The following SNX3 variants were observed in gnomAD, a reference collection of about 807,000 sequenced individuals.
The protein encoded by SNX3 is sorting nexin 3, also known as sorting nexin-3.
A neutral mutation model predicts 17.7 loss-of-function variants in SNX3; 5 were observed. The observed-to-expected ratio is 0.28, with a 90% CI of 0.15 to 0.59. SNX3 has a LOEUF of 0.59. Among genes scored for constraint, SNX3 ranks in the 20% least tolerant of loss-of-function variants. The pLI is 0.88. For missense variants in SNX3, 132 were observed against 206.8 expected (o/e 0.64, Z 2.22); for synonymous variants, 91 against 76.5 (o/e 1.19, Z -0.99).
In SNX3 at chr6:108,259,505, T is replaced by C. The variant is rs547390571; in HGVS notation, c.162+1255A>G. Among the ~76,000 whole-genome samples, 54 of 152,350 alleles carry C rather than the reference T, an allele frequency of 3.5e-4. No individual in the cohort carries two copies. In the South Asian group the frequency reaches 5.2e-3, roughly 15 times the overall value. On this transcript the variant is annotated intron_variant, in intron 1 of 3. Coordinates refer to ENST00000230085, the MANE Select transcript of SNX3 (RefSeq NM_003795.6). ...GCTCGGCCTCCCAAAGTGCTGGGATTACAGGCATGAGCCACCGCGCCCGGC... is the reference window on the plus strand; with the variant it reads ...GCTCGGCCTCCCAAAGTGCTGGGATCACAGGCATGAGCCACCGCGCCCGGC...
At position 108,260,829 on chromosome 6, in the gene SNX3, G is replaced by A; in HGVS notation, c.93C>T (p.Ile31=). The A allele has an allele frequency of 6.2e-7, 1 of 1,613,860 alleles. No individual in the cohort carries two copies. The highest frequency in any genetic ancestry group is 1.1e-5 in the South Asian group (1 of 91,082). Residue 31 remains isoleucine (I), a synonymous_variant, in exon 1 of 4, where the codon ATC becomes ATT. Coordinates refer to ENST00000230085, the MANE Select transcript of SNX3 (RefSeq NM_003795.6). The stretch of plus-strand genomic sequence containing the variant: ...CCACCGTTTGCGGGTTGCTCACATC[G>A]ATCTCGAGGAAGTTGCTGGGGGGTC... ...AYGPPSNFLE[I]DVSNPQTVGV...
chr6:108,227,260 T>A (rs1582479759), intron 1 of SNX3, among the ~76,000 whole-genome samples: 1 of 152,348 alleles, frequency 6.6e-6, no homozygotes, highest in East Asian at 1.9e-4. Flanking sequence ...TTCCCTCCTC[T>A]CAAATTACTT....
chr6:108,259,887 T>C (rs907131334), intron 1 of SNX3, among the ~76,000 whole-genome samples: 5 of 152,252 alleles, frequency 3.3e-5, no homozygotes, highest in Admixed American at 6.5e-5. Context: ...TTTAAATTAA[T>C]GTAATTAATT....
At chr6:108,216,924 G>C (rs1055484587) in intron 2 of SNX3, among the ~76,000 whole-genome samples, 3 of 152,154 alleles carry the variant, frequency 2.0e-5, no homozygotes, top group East Asian at 1.9e-4. Flanking sequence ...AGCATTCTCA[G>C]ATCTCACCCC....
At chr6:108,214,036 C>T (rs1774488112) in intron 3 of SNX3, among the ~76,000 whole-genome samples, 1 of 152,080 alleles carries the variant, frequency 6.6e-6, no homozygotes, top group Non-Finnish European at 1.5e-5. Context: ...AGAAACAATC[C>T]TAAGTCTTCT....
rs753023859 is a variant in SNX3 at position 108,223,043 on chromosome 6, T to G, written c.165A>C (p.Thr55=). 1.1e-5 allele frequency: 18 copies of G among 1,582,868 alleles called. No individual in the cohort carries two copies. Among genetic ancestry groups the G allele is most frequent in the Non-Finnish European group, 1.6e-5 (18 of 1,156,872 alleles). ...CTTTCAGCTTGAAAATAGGAAGATT[T>G]GTCTGAAACAAAAAAAGTTAGTCCT... is the stretch of plus-strand genomic sequence containing the variant. ...RFTTYEIRVK[T]NLPIFKLKES... is the part of the protein sequence containing the mutation. The change falls in exon 2 of 4, where the codon ACA becomes ACC. Residue 55 remains threonine, a splice_region_variant and synonymous_variant. Transcript: ENST00000230085.
At chr6:108,228,230 C>A (rs7754322) in intron 1 of SNX3, among the ~76,000 whole-genome samples, 3,782 of 151,944 alleles carry the variant, frequency 0.025, 179 homozygotes, top group African/African-American at 0.088. Context: ...CATGGTGAGA[C>A]CCCCATCTCT....
At chr6:108,222,687 A>C (rs1433841339) in intron 2 of SNX3, among the ~76,000 whole-genome samples, 1 of 152,202 alleles carries the variant, frequency 6.6e-6, no homozygotes, top group African/African-American at 2.4e-5. Flanking sequence ...GAGGGAAAGG[A>C]AGGAAGTAAT....
At chr6:108,239,256 C>T (rs1396315317) in intron 1 of SNX3, among the ~76,000 whole-genome samples, 1 of 152,088 alleles carries the variant, frequency 6.6e-6, no homozygotes, top group Non-Finnish European at 1.5e-5. Context: ...ATTAGTCAAG[C>T]AGACCCGGGT....
intron 2 of SNX3, among the ~76,000 whole-genome samples, chr6:108,216,131 C>G (rs1156611709): frequency 6.6e-6 from 1 of 152,036 alleles, no homozygotes; most frequent in African/African-American, 2.4e-5. Context: ...GGCTGGAGTT[C>G]CGTGGTGCGA....
At chr6:108,234,238 C>CATATATATATATATATATATATAT (rs10655859) in intron 1 of SNX3, among the ~76,000 whole-genome samples, 5 of 148,174 alleles carry the variant, frequency 3.4e-5, no homozygotes, top group African/African-American at 1.3e-4. Flanking sequence ...ATATAAAAAA[C>CATATATATATATATATATATATAT]ATATATATAT....
chr6:108,260,674 G>A lies in SNX3; in HGVS notation c.162+86C>T, dbSNP rs1396770227. 4.0e-6 allele frequency: 6 copies of A among 1,503,240 alleles called. No individual in the cohort carries two copies. In the Admixed American group the frequency reaches 7.1e-5, roughly 18 times the overall value. The allele number at this position is 1,503,240 out of a possible 1,614,324, so 93.1% of individuals were successfully genotyped here. A position where few individuals can be genotyped will look rare whatever the true frequency, so the allele number is the denominator to read the frequency against. Reference sequence around the variant, plus strand: ...GCTCCCGGCCTGGGAGGCTGTGGCTGCCCGCGGGGGTCCACTCCCGGGTCG... The same window carrying A: ...GCTCCCGGCCTGGGAGGCTGTGGCTACCCGCGGGGGTCCACTCCCGGGTCG... On this transcript the variant is annotated intron_variant, in intron 1 of 3. Transcript: ENST00000230085.
At chr6:108,229,373 T>C (rs895770206) in intron 1 of SNX3, among the ~76,000 whole-genome samples, 1 of 152,014 alleles carries the variant, frequency 6.6e-6, no homozygotes, top group Non-Finnish European at 1.5e-5. Context: ...GATTCATTCA[T>C]TCTTTCCCCT....
At position 108,260,722 on chromosome 6, in the gene SNX3, G is replaced by T. The variant is rs773497470; in HGVS notation, c.162+38C>A. On this transcript the variant is annotated intron_variant, in intron 1 of 3. Transcript: ENST00000230085. ...TCGAGTGGGGGTGACCAGAGCCAGCGGGAGGGGTTTCTTGGGAGAGGGGAG... is the reference window on the plus strand; with the variant it reads ...TCGAGTGGGGGTGACCAGAGCCAGCTGGAGGGGTTTCTTGGGAGAGGGGAG... The T allele has an allele frequency of 6.2e-6, 10 of 1,612,076 alleles. No homozygotes were observed. The South Asian group carries it at 1.1e-4, about 18-fold the overall frequency.
chr6:108,248,059 T>C (rs1234167314), intron 1 of SNX3, among the ~76,000 whole-genome samples: 6 of 152,210 alleles, frequency 3.9e-5, no homozygotes, highest in African/African-American at 1.2e-4. Flanking sequence ...TCCAGTATTA[T>C]TACTGTGTGA....
intron 1 of SNX3, among the ~76,000 whole-genome samples, chr6:108,231,014 A>G (rs1393559861): frequency 6.6e-6 from 1 of 152,138 alleles, no homozygotes; most frequent in Non-Finnish European, 1.5e-5. Flanking sequence ...GCAAAAAAAG[A>G]GGGTCTCCCT....
At chr6:108,220,115 T>C (rs1774709500) in intron 2 of SNX3, among the ~76,000 whole-genome samples, 1 of 152,108 alleles carries the variant, frequency 6.6e-6, no homozygotes, top group Admixed American at 6.5e-5. Context: ...ATTACAAGAG[T>C]CAAAAAGTTA....
chr6:108,229,895 G>A (rs951927717), intron 1 of SNX3, among the ~76,000 whole-genome samples: 3 of 152,156 alleles, frequency 2.0e-5, no homozygotes, highest in Non-Finnish European at 2.9e-5. Context: ...TAATAAATAT[G>A]TTTGAATAGA....
chr6:108,251,774 CT>C lies in SNX3; in HGVS notation c.162+8985del, dbSNP rs1562440439. 2.0e-5 allele frequency among the ~76,000 whole-genome samples: 3 copies of C among 152,128 alleles called. 1 individual carries two copies. The South Asian group carries it at 6.2e-4, about 32-fold the overall frequency. Reference sequence around the variant, plus strand: ...TTCCTAGGTTGTCAGTTAAATATTTCTTTAAAGAAGTAGTGGCCAGGCGCGG... The same window carrying C: ...TTCCTAGGTTGTCAGTTAAATATTTCTTAAAGAAGTAGTGGCCAGGCGCGG... On this transcript the variant is annotated intron_variant, in intron 1 of 3. Coordinates refer to ENST00000230085, the MANE Select transcript of SNX3 (RefSeq NM_003795.6).
Sources: gnomAD v4.1 joint callset for allele counts (sites outside exome capture counted in the v4.1 genomes callset) on GRCh38, gnomAD v4.1.1 for gene constraint, MANE v1.5 for transcripts, NCBI Gene and HGNC (gene_info 2026-07-23, HGNC 2026-07-21) for gene names.